IQSEC1: variants seen among roughly 807,000 people sequenced by gnomAD.
The protein encoded by IQSEC1 is IQ motif and Sec7 domain ArfGEF 1.
A neutral mutation model predicts 91.0 loss-of-function variants in IQSEC1; 31 were observed. That is an observed-to-expected ratio of 0.34 (90% confidence interval 0.26 to 0.46). The LOEUF (loss-of-function observed/expected upper bound fraction) is 0.46. Among genes scored for constraint, IQSEC1 ranks in the 20% least tolerant of loss-of-function variants. The pLI is 1.00. For missense variants in IQSEC1, 1,388 were observed against 1,575.6 expected, an observed-to-expected ratio of 0.88 and a Z score of 2.02; for synonymous variants, 699 against 662.6, an observed-to-expected ratio of 1.05 and a Z score of -0.84.
intron 1 of IQSEC1, among the ~76,000 whole-genome samples, chr3:13,175,886 C>T (rs993972521): frequency 5.3e-5 from 8 of 152,350 alleles, no homozygotes; most frequent in African/African-American, 1.9e-4. Flanking sequence ...AGGGCTCTGC[C>T]CCTGTGACCT....
Position 13,233,343 on chromosome 3 carries a change from T to C in IQSEC1, c.272+49368A>G, listed in dbSNP as rs373468860. Among the ~76,000 whole-genome samples the C allele has an allele frequency of 2.3e-4, 35 of 152,284 alleles. 1 individual carries two copies. The East Asian group carries it at 6.0e-3, about 26-fold the overall frequency. ...CCCTCCATCCAGCACTGTCCCTTCC[T>C]CCATCCTGAGGGGTCTGCAGGCCTC... is the stretch of plus-strand genomic sequence containing the variant. On this transcript the variant is annotated intron_variant, in intron 1 of 15. Coordinates refer to the IQSEC1 transcript ENST00000648114.
intron 1 of IQSEC1, among the ~76,000 whole-genome samples, chr3:13,200,264 A>ACACAC (rs1289719523): frequency 1.8e-3 from 275 of 151,416 alleles, no homozygotes; most frequent in African/African-American, 6.4e-3. Context: ...ACACACACAC[A>ACACAC]CACACACCAC....
rs549045509 is a variant in IQSEC1 at position 13,100,754 on chromosome 3, T to A, written c.303-53232A>T. On this transcript the variant is annotated intron_variant, in intron 2 of 15. Transcript: ENST00000648114. Reference sequence around the variant, plus strand: ...CATCGATTAATTCTACAAATGTTCATTGGACACTGGTCTGGGCCATGGGGA... The same window carrying A: ...CATCGATTAATTCTACAAATGTTCAATGGACACTGGTCTGGGCCATGGGGA... Among the ~76,000 whole-genome samples, 8 of 148,880 alleles carry A rather than the reference T, an allele frequency of 5.4e-5. 1 individual carries two copies. Among genetic ancestry groups the A allele is most frequent in the African/African-American group, 2.0e-4 (8 of 39,564 alleles).
Position 12,897,420 on chromosome 3 carries a change from C to T in IQSEC1, c.*3563G>A, listed in dbSNP as rs928380884. The T allele has an allele frequency of 2.6e-5, 4 of 152,316 alleles. No homozygotes were observed. In the East Asian group the frequency reaches 7.7e-4, roughly 29 times the overall value. 9.4% of individuals were successfully genotyped at this position (152,316 alleles called of 1,614,324 possible). ...TCTGAACAGTCTGGGGATTCAGGAC[C>T]TGATTCTAATTGCTTAAAACAACTC... On this transcript the variant is annotated 3_prime_UTR_variant, in exon 14 of 14. Transcript: ENST00000613206.
chr3:12,914,634 A>G (rs965459703), intron 8 of IQSEC1, among the ~76,000 whole-genome samples: 3 of 152,144 alleles, frequency 2.0e-5, no homozygotes, highest in Non-Finnish European at 4.4e-5. Flanking sequence ...AAGCCAGTCC[A>G]CAAGGAGGGT....
At chr3:12,958,578 T>C (rs750325702) in intron 1 of IQSEC1, among the ~76,000 whole-genome samples, 42 of 152,228 alleles carry the variant, frequency 2.8e-4, no homozygotes, top group Non-Finnish European at 5.1e-4. Context: ...GTCGCTGCAC[T>C]GCATGGTGCC....
chr3:13,261,994 T>A (rs1378812102), intron 1 of IQSEC1, among the ~76,000 whole-genome samples: 2 of 152,222 alleles, frequency 1.3e-5, no homozygotes, highest in Non-Finnish European at 2.9e-5. Context: ...GCAGCTCCTG[T>A]AAGAGCGTGA....
At position 13,103,163 on chromosome 3, in the gene IQSEC1, G is replaced by A. The variant is rs1576251259; in HGVS notation, c.303-55641C>T. Among the ~76,000 whole-genome samples the A allele has an allele frequency of 6.6e-6, 1 of 152,030 alleles. No individual in the cohort carries two copies. The highest frequency in any genetic ancestry group is 1.5e-5 in the Non-Finnish European group (1 of 67,996). ...TGGCCCATGTCCCCGGCTGGCCCCAGGCAGGTCAGTTCAGGGAAGGGGCCT... is the reference window on the plus strand; with the variant it reads ...TGGCCCATGTCCCCGGCTGGCCCCAAGCAGGTCAGTTCAGGGAAGGGGCCT... On this transcript the variant is annotated intron_variant, in intron 2 of 15. Transcript: ENST00000648114. This position sits in a 1 kb window ranked among gnomAD's most constrained non-coding sequence, Gnocchi z 4.1.
chr3:13,220,919 T>C (rs1417741464), intron 1 of IQSEC1, among the ~76,000 whole-genome samples: 1 of 152,196 alleles, frequency 6.6e-6, no homozygotes, highest in Non-Finnish European at 1.5e-5. Flanking sequence ...CCGGGCCACT[T>C]CACAGGCATT....
chr3:13,056,148 T>C (rs1402837648), intron 1 of IQSEC1, among the ~76,000 whole-genome samples: 2 of 152,172 alleles, frequency 1.3e-5, no homozygotes, highest in Non-Finnish European at 2.9e-5. Flanking sequence ...AGCCTGTGTG[T>C]CGGTGTCCTG....
At chr3:13,150,316 C>A (rs371331687) in intron 2 of IQSEC1, among the ~76,000 whole-genome samples, 4 of 152,220 alleles carry the variant, frequency 2.6e-5, no homozygotes, top group African/African-American at 9.7e-5. Context: ...TCACAGTGAG[C>A]GTTCAGGCTG....
intron 2 of IQSEC1, among the ~76,000 whole-genome samples, chr3:13,124,738 C>T (rs577456526): frequency 5.2e-4 from 78 of 151,270 alleles, no homozygotes; most frequent in Admixed American, 4.7e-3. Flanking sequence ...CCAAGACCAG[C>T]GATGCTCTTG....
intron 2 of IQSEC1, among the ~76,000 whole-genome samples, chr3:13,138,720 C>T (rs572172513): frequency 1.8e-4 from 27 of 152,192 alleles, no homozygotes; most frequent in African/African-American, 2.9e-4. Flanking sequence ...AGGAAGGCCC[C>T]GTTTCTGCTG....
At chr3:13,140,975 A>G (rs1022776632) in intron 2 of IQSEC1, among the ~76,000 whole-genome samples, 1 of 152,228 alleles carries the variant, frequency 6.6e-6, no homozygotes, top group Non-Finnish European at 1.5e-5. Context: ...CCTGAAGGCA[A>G]CAAGGGGCAG....
intron 2 of IQSEC1, among the ~76,000 whole-genome samples, chr3:13,083,492 G>A (rs1420847663): frequency 1.3e-5 from 2 of 152,220 alleles, no homozygotes; most frequent in African/African-American, 4.8e-5. Flanking sequence ...TGAACAATGG[G>A]GTGGCACATT....
intron 3 of IQSEC1, among the ~76,000 whole-genome samples, chr3:12,934,370 T>C (rs1490756319): frequency 6.6e-6 from 1 of 152,200 alleles, no homozygotes; most frequent in African/African-American, 2.4e-5. Context: ...AGTGCTTCCA[T>C]GTGTCCCAGG....
At chr3:13,055,133 G>A (rs1015431948) in intron 1 of IQSEC1, among the ~76,000 whole-genome samples, 3 of 152,194 alleles carry the variant, frequency 2.0e-5, no homozygotes, top group Non-Finnish European at 4.4e-5. Flanking sequence ...ACAGTGCGGC[G>A]ATTGTCCCGG....
At chr3:13,109,192 CTG>C (rs1187807776) in intron 2 of IQSEC1, among the ~76,000 whole-genome samples, 1 of 152,212 alleles carries the variant, frequency 6.6e-6, no homozygotes, top group Admixed American at 6.5e-5. Flanking sequence ...AAGGTGGAGG[CTG>C]TGACATAAGG....
intron 1 of IQSEC1, among the ~76,000 whole-genome samples, chr3:12,958,513 C>A (rs903350909): frequency 1.3e-5 from 2 of 152,158 alleles, no homozygotes; most frequent in Non-Finnish European, 2.9e-5. Flanking sequence ...GGCCTGTCAC[C>A]CAGGAAAAGC....
Sources: allele counts gnomAD v4.1 joint callset (sites outside exome capture counted in the v4.1 genomes callset), GRCh38; gene constraint gnomAD v4.1.1; non-coding constraint Gnocchi (gnomAD v3.1); transcripts MANE v1.5; gene names NCBI Gene and HGNC (gene_info 2026-07-23, HGNC 2026-07-21).